MCTP1: variants seen among roughly 807,000 people sequenced by gnomAD.
MCTP1 encodes the protein multiple C2 and transmembrane domain-containing protein 1.
Under a neutral mutation model 120.6 loss-of-function variants are expected in MCTP1, and 69 were observed. That is an observed-to-expected ratio of 0.57 (90% CI 0.47 to 0.70). The LOEUF (loss-of-function observed/expected upper bound fraction) is 0.70, where lower values mean the gene tolerates loss of function less well. MCTP1 is among the 30% of genes least tolerant of loss of function. The pLI is 0.00. For synonymous variants in MCTP1, 529 were observed against 493.1 expected, an observed-to-expected ratio of 1.07 and a Z score of -0.96; for missense variants, 1,203 against 1,248.8, an observed-to-expected ratio of 0.96 and a Z score of 0.55.
chr5:94,778,176 C>A (rs1253549574), intron 19 of MCTP1, among the ~76,000 whole-genome samples: 1 of 151,870 alleles, frequency 6.6e-6, no homozygotes, highest in African/African-American at 2.4e-5. Flanking sequence ...TACTGTTTTC[C>A]TCCTTTCTTC....
At chr5:94,896,318 G>A (rs1480216350) in intron 10 of MCTP1, among the ~76,000 whole-genome samples, 2 of 152,174 alleles carry the variant, frequency 1.3e-5, no homozygotes, top group Non-Finnish European at 2.9e-5. Flanking sequence ...GGCTTGGATA[G>A]GGAGTATAAT....
chr5:94,883,985 C>T (rs1434613495), intron 12 of MCTP1, among the ~76,000 whole-genome samples: 1 of 152,130 alleles, frequency 6.6e-6, no homozygotes, highest in Non-Finnish European at 1.5e-5. Flanking sequence ...TGTACAGCTG[C>T]CTTTTCATTT....
At chr5:95,132,156 C>A (rs1369268464) in intron 1 of MCTP1, among the ~76,000 whole-genome samples, 2 of 152,158 alleles carry the variant, frequency 1.3e-5, no homozygotes, top group Non-Finnish European at 2.9e-5. Flanking sequence ...AGAGAATTAA[C>A]AACAGCAAAA....
intron 1 of MCTP1, among the ~76,000 whole-genome samples, chr5:95,034,007 A>G (rs985158274): frequency 6.6e-6 from 1 of 152,154 alleles, no homozygotes; most frequent in Non-Finnish European, 1.5e-5. Flanking sequence ...CTAGGAATAC[A>G]TTTAACCAAA....
At chr5:94,804,582 G>C (rs1781904777) in intron 17 of MCTP1, among the ~76,000 whole-genome samples, 3 of 152,010 alleles carry the variant, frequency 2.0e-5, no homozygotes, top group African/African-American at 7.3e-5. Flanking sequence ...GGGACTACAG[G>C]CGCCCGCCAC....
chr5:94,845,269 G>C (rs758094642), intron 17 of MCTP1, among the ~76,000 whole-genome samples: 38 of 152,094 alleles, frequency 2.5e-4, no homozygotes, highest in Non-Finnish European at 5.4e-4. Flanking sequence ...GAAGGTGAAG[G>C]AAGAGCAACG....
At chr5:94,792,873 G>A (rs1170490462) in intron 18 of MCTP1, 1 of 152,170 alleles carries the variant, frequency 6.6e-6, no homozygotes, top group Non-Finnish European at 1.5e-5. Context: ...GTACAACTGG[G>A]ATAGAGTTAC....
At chr5:94,997,063 T>C (rs2153628796) in intron 2 of MCTP1, among the ~76,000 whole-genome samples, 1 of 152,226 alleles carries the variant, frequency 6.6e-6, no homozygotes, top group East Asian at 1.9e-4. Context: ...CACAGAGCAG[T>C]TTATTTTTTA....
chr5:94,724,873 T>C (rs1761788704), intron 19 of MCTP1, among the ~76,000 whole-genome samples: 1 of 151,862 alleles, frequency 6.6e-6, no homozygotes, highest in Non-Finnish European at 1.5e-5. Flanking sequence ...GGACTCCAAG[T>C]GAAAGGGCCA....
chr5:94,994,439 T>C (rs1207708439), intron 2 of MCTP1, among the ~76,000 whole-genome samples: 1 of 152,208 alleles, frequency 6.6e-6, no homozygotes, highest in African/African-American at 2.4e-5. Flanking sequence ...AATAATCCTT[T>C]ACTGAGATCT....
At chr5:94,735,548 A>G (rs1764032493) in intron 19 of MCTP1, among the ~76,000 whole-genome samples, 1 of 152,072 alleles carries the variant, frequency 6.6e-6, no homozygotes, top group Non-Finnish European at 1.5e-5. Context: ...AAGCGCTGGG[A>G]TTATAGGCAT....
intron 18 of MCTP1, among the ~76,000 whole-genome samples, chr5:94,785,139 T>C (rs756389176): frequency 2.6e-5 from 4 of 152,154 alleles, no homozygotes; most frequent in African/African-American, 4.8e-5. Flanking sequence ...CAGCTTAATA[T>C]GCAGAAAAAC....
chr5:95,206,297 A>G (rs532380836), intron 1 of MCTP1, among the ~76,000 whole-genome samples: 2 of 152,348 alleles, frequency 1.3e-5, no homozygotes, highest in Non-Finnish European at 2.9e-5. Context: ...TTTATATTAA[A>G]TGCTCAGAAA....
intron 19 of MCTP1, among the ~76,000 whole-genome samples, chr5:94,716,010 C>T (rs1285826138): frequency 6.6e-6 from 1 of 152,210 alleles, no homozygotes; most frequent in Non-Finnish European, 1.5e-5. Context: ...CTAAAGCACT[C>T]TACAGTGTGA....
intron 2 of MCTP1, among the ~76,000 whole-genome samples, chr5:94,980,157 C>G (rs1412190381): frequency 2.0e-5 from 3 of 152,240 alleles, no homozygotes; most frequent in Non-Finnish European, 4.4e-5. Context: ...TAAAACAGTA[C>G]TCCCAGATAT....
At chr5:94,897,861 G>T (rs1264025266) in intron 10 of MCTP1, among the ~76,000 whole-genome samples, 1 of 152,032 alleles carries the variant, frequency 6.6e-6, no homozygotes, top group African/African-American at 2.4e-5. Context: ...CCCCAGTGTC[G>T]TTCCCCTCTT....
At chr5:94,833,176 T>C (rs1788952364) in intron 17 of MCTP1, among the ~76,000 whole-genome samples, 1 of 152,184 alleles carries the variant, frequency 6.6e-6, no homozygotes, top group African/African-American at 2.4e-5. Context: ...CAGAACTTAT[T>C]GAATCAGGTC....
chr5:94,848,946 A>G (rs2153223243), intron 17 of MCTP1, among the ~76,000 whole-genome samples: 1 of 152,000 alleles, frequency 6.6e-6, no homozygotes, highest in East Asian at 2.0e-4. Flanking sequence ...ATGTTGACAT[A>G]GTTTTGATAA....
At chr5:94,950,492 C>T (rs190615990) in intron 3 of MCTP1, among the ~76,000 whole-genome samples, 1 of 152,146 alleles carries the variant, frequency 6.6e-6, no homozygotes, top group Non-Finnish European at 1.5e-5. Context: ...TCTTCATTTA[C>T]AGTTTATGTA....
Sources: gnomAD v4.1 joint callset for allele counts (sites outside exome capture counted in the v4.1 genomes callset) on GRCh38, gnomAD v4.1.1 for gene constraint, MANE v1.5 for transcripts, NCBI Gene and HGNC (gene_info 2026-07-23, HGNC 2026-07-21) for gene names.